Variants in ANKRD30BL observed in about 807,000 individuals in gnomAD.
ANKRD30BL encodes the protein ankyrin repeat domain 30B like.
A neutral mutation model predicts 18.4 loss-of-function variants in ANKRD30BL; 20 were observed. The observed-to-expected ratio is 1.09, with a 90% CI of 0.77 to 1.58. The LOEUF (loss-of-function observed/expected upper bound fraction) is 1.58, where lower values mean the gene tolerates loss of function less well. Among genes scored for constraint, ANKRD30BL ranks in the 40% most tolerant of loss-of-function variants. ANKRD30BL has a pLI of 0.00. For missense variants in ANKRD30BL, 224 were observed against 268.6 expected (o/e 0.83, Z 1.16); for synonymous variants, 72 against 100.9 (o/e 0.71, Z 1.72).
intron 1 of ANKRD30BL, among the ~76,000 whole-genome samples, chr2:132,203,350 A>G (rs1679146473): frequency 6.6e-6 from 1 of 152,150 alleles, no homozygotes; most frequent in Non-Finnish European, 1.5e-5. Context: ...GTTAAAAAAA[A>G]GTGACTTGTA....
chr2:132,221,351 C>T (rs1422225235), intron 1 of ANKRD30BL, among the ~76,000 whole-genome samples: 513 of 138,360 alleles, frequency 3.7e-3, no homozygotes, highest in African/African-American at 5.9e-3. Flanking sequence ...GGCCAGCCGC[C>T]CAGTCCGGGA....
intron 4 of ANKRD30BL, among the ~76,000 whole-genome samples, chr2:132,151,768 A>C (rs1346949054): frequency 1.3e-5 from 2 of 151,972 alleles, no homozygotes; most frequent in Non-Finnish European, 2.9e-5. Context: ...TTTGTAATGA[A>C]ATATATTTAT....
chr2:132,254,437 C>T (rs796353821), intron 1 of ANKRD30BL, among the ~76,000 whole-genome samples: 8 of 152,348 alleles, frequency 5.3e-5, no homozygotes, highest in South Asian at 2.1e-4. Flanking sequence ...CTCAGCGTTC[C>T]GCCAGGGCAG....
chr2:132,228,642 G>A (rs1679911839), intron 1 of ANKRD30BL, among the ~76,000 whole-genome samples: 1 of 150,744 alleles, frequency 6.6e-6, no homozygotes, highest in African/African-American at 2.5e-5. Context: ...AAATTTCTTT[G>A]TGATGTGTGC....
At chr2:132,201,548 T>A (rs953150548) in intron 1 of ANKRD30BL, among the ~76,000 whole-genome samples, 1 of 152,144 alleles carries the variant, frequency 6.6e-6, no homozygotes, top group East Asian at 1.9e-4. Flanking sequence ...AAAATGCTCA[T>A]CATCACTGGC....
rs373033347 is a variant in ANKRD30BL, at chr2:132,179,847, G to A, written n.442-22701C>T. ...CATGTTTGTGTTTGTTTTTATAAAAGAGTTAAAAAGTAACACAAAAATTAA... is the reference window on the plus strand; with the variant it reads ...CATGTTTGTGTTTGTTTTTATAAAAAAGTTAAAAAGTAACACAAAAATTAA... On this transcript the variant is annotated intron_variant and non_coding_transcript_variant, in intron 1 of 4. Transcript: ENST00000470729. 1.8e-4 allele frequency among the ~76,000 whole-genome samples: 27 copies of A among 152,100 alleles called. No homozygotes were observed. In the East Asian group the frequency reaches 4.4e-3, roughly 25 times the overall value.
chr2:132,225,603 G>A (rs536637132), intron 1 of ANKRD30BL, among the ~76,000 whole-genome samples: 123 of 152,094 alleles, frequency 8.1e-4, no homozygotes, highest in African/African-American at 2.9e-3. Context: ...CACTCTTTTT[G>A]TAGAGTCTAC....
chr2:132,235,919 C>T (rs1190896108), intron 1 of ANKRD30BL, among the ~76,000 whole-genome samples: 2 of 152,130 alleles, frequency 1.3e-5, no homozygotes, highest in East Asian at 3.9e-4. Context: ...GGAGGCATCA[C>T]ACTACCTGAC....
intron 1 of ANKRD30BL, among the ~76,000 whole-genome samples, chr2:132,209,416 C>G (rs1183477832): frequency 4.9e-5 from 7 of 143,436 alleles, no homozygotes; most frequent in African/African-American, 1.8e-4. Context: ...CAGAGCTGAA[C>G]ATTTCTTTTG....
At chr2:132,216,637 G>A (rs2104764322) in intron 1 of ANKRD30BL, among the ~76,000 whole-genome samples, 1 of 152,196 alleles carries the variant, frequency 6.6e-6, no homozygotes, top group South Asian at 2.1e-4. Context: ...CATTATTTTT[G>A]TAGGATCTGC....
rs545900086 is a variant in ANKRD30BL, at chr2:132,204,991, G to T, written n.442-47845C>A. Among the ~76,000 whole-genome samples the T allele has an allele frequency of 8.5e-5, 13 of 152,286 alleles. 1 individual carries two copies. The South Asian group carries it at 2.7e-3, about 32-fold the overall frequency. On this transcript the variant is annotated intron_variant and non_coding_transcript_variant, in intron 1 of 4. Coordinates refer to the ANKRD30BL transcript ENST00000470729. Reference sequence around the variant, plus strand: ...AGGAAATGCTGGAAGTGTGGGAATGGATAAAAGGAGCACAGGAAAAGTGTG... The same window carrying T: ...AGGAAATGCTGGAAGTGTGGGAATGTATAAAAGGAGCACAGGAAAAGTGTG...
intron 1 of ANKRD30BL, among the ~76,000 whole-genome samples, chr2:132,247,747 T>C (rs1573892665): frequency 6.6e-6 from 1 of 152,066 alleles, no homozygotes; most frequent in South Asian, 2.1e-4. Flanking sequence ...TGTATAGTTT[T>C]CTGTGAAGAT....
chr2:132,210,392 G>A (rs1679314316), intron 1 of ANKRD30BL, among the ~76,000 whole-genome samples: 1 of 151,864 alleles, frequency 6.6e-6, no homozygotes, highest in Non-Finnish European at 1.5e-5. Context: ...CTGGATGGAA[G>A]CATTCTGAGA....
chr2:132,224,572 A>C (rs550570836), intron 1 of ANKRD30BL, among the ~76,000 whole-genome samples: 1 of 152,304 alleles, frequency 6.6e-6, no homozygotes, highest in Admixed American at 6.6e-5. Flanking sequence ...CAGGTTTGAA[A>C]CACTCATTTT....
intron 1 of ANKRD30BL, among the ~76,000 whole-genome samples, chr2:132,222,747 C>T (rs1462385059): frequency 1.5e-5 from 2 of 134,220 alleles, no homozygotes; most frequent in African/African-American, 5.3e-5. Flanking sequence ...CCTTTGTTCA[C>T]TTGTTTATCT....
chr2:132,206,196 G>T (rs961993830), intron 1 of ANKRD30BL, among the ~76,000 whole-genome samples: 1 of 151,700 alleles, frequency 6.6e-6, no homozygotes, highest in Non-Finnish European at 1.5e-5. Flanking sequence ...AAAGAAGGAC[G>T]GAAGGGATTT....
intron 1 of ANKRD30BL, among the ~76,000 whole-genome samples, chr2:132,184,668 A>T (rs896676787): frequency 5.9e-5 from 9 of 152,174 alleles, no homozygotes; most frequent in African/African-American, 2.2e-4. Flanking sequence ...ATGCATATTC[A>T]TATGAAGAAT....
chr2:132,184,138 T>A (rs1167137010), intron 1 of ANKRD30BL, among the ~76,000 whole-genome samples: 2 of 152,014 alleles, frequency 1.3e-5, no homozygotes, highest in African/African-American at 4.8e-5. Context: ...AGTGATATGA[T>A]CTTGGCTCAC....
intron 1 of ANKRD30BL, among the ~76,000 whole-genome samples, chr2:132,191,460 T>A (rs1678847793): frequency 6.6e-6 from 1 of 152,130 alleles, no homozygotes; most frequent in Non-Finnish European, 1.5e-5. Flanking sequence ...ACTGCCAAAC[T>A]GCAATCCAAA....
Sources: allele counts gnomAD v4.1 joint callset (sites outside exome capture counted in the v4.1 genomes callset), GRCh38; gene constraint gnomAD v4.1.1; transcripts MANE v1.5; gene names NCBI Gene and HGNC (gene_info 2026-07-23, HGNC 2026-07-21).